The following PCDHGB2 variants were observed in gnomAD, a reference collection of about 807,000 sequenced individuals.
PCDHGB2 encodes protocadherin gamma subfamily B, 2.
A neutral mutation model predicts 59.3 loss-of-function variants in PCDHGB2; 55 were observed. That is an observed-to-expected ratio of 0.93 (90% CI 0.75 to 1.16). The LOEUF (loss-of-function observed/expected upper bound fraction) is 1.16, where lower values mean the gene tolerates loss of function less well. Among genes scored for constraint, PCDHGB2 ranks in the 50% most tolerant of loss-of-function variants. PCDHGB2 has a pLI of 0.00. For missense variants in PCDHGB2, 1,228 were observed against 1,198.5 expected (o/e 1.02, Z -0.36); for synonymous variants, 516 against 512.0 (o/e 1.01, Z -0.11).
chr5:141,488,633 A>G (rs2099677537), intron 1 of PCDHGB2, among the ~76,000 whole-genome samples: 1 of 152,174 alleles, frequency 6.6e-6, no homozygotes, highest in South Asian at 2.1e-4. Context: ...TCACCTTAGC[A>G]GCATTCAGCA....
chr5:141,389,590 G>T (rs1409328445), intron 1 of PCDHGB2: 1 of 1,613,014 alleles, frequency 6.2e-7, no homozygotes, highest in Non-Finnish European at 8.5e-7. Context: ...GGTCCCGACG[G>T]CTCTGCGCTC....
chr5:141,490,130 C>A lies in PCDHGB2; in HGVS notation c.2422-4677C>A, dbSNP rs535362535. On this transcript the variant is annotated intron_variant, in intron 1 of 3. Coordinates refer to ENST00000522605, the MANE Select transcript of PCDHGB2 (RefSeq NM_018923.3). The surrounding 1 kb of genome is among the most constrained non-coding windows in gnomAD (Gnocchi z 5.4). ...GTGCGGAACCTCTTTGGCCTAGACC[C>A]TAGCAGTGGGGCAATCCATGTGTTG... 11 of 1,614,242 alleles carry A rather than the reference C, an allele frequency of 6.8e-6. No individual in the cohort carries two copies. In the African/African-American group the frequency reaches 1.3e-4, roughly 20 times the overall value.
In PCDHGB2 at chr5:141,400,030, C is replaced by T. The variant is rs201599536; in HGVS notation, c.2421+37474C>T. 180 of 1,613,050 alleles carry T rather than the reference C, an allele frequency of 1.1e-4. No individual in the cohort carries two copies. Among genetic ancestry groups the T allele is most frequent in the East Asian group, 1.6e-4 (7 of 44,886 alleles). On this transcript the variant is annotated intron_variant, in intron 1 of 3. Coordinates refer to ENST00000522605, the MANE Select transcript of PCDHGB2 (RefSeq NM_018923.3). Reference sequence around the variant, plus strand: ...TGCCTTGGGCGACAGGGACGCGGCCCGCCAGCGCCTGCTGGTTGCTGTGCG... The same window carrying T: ...TGCCTTGGGCGACAGGGACGCGGCCTGCCAGCGCCTGCTGGTTGCTGTGCG...
At position 141,431,421 on chromosome 5, in the gene PCDHGB2, T is replaced by A. The variant is rs2097372202; in HGVS notation, c.2422-63386T>A. On this transcript the variant is annotated intron_variant, in intron 1 of 3. Transcript: ENST00000522605. The surrounding 1 kb of genome is among the most constrained non-coding windows in gnomAD (Gnocchi z 4.8). The stretch of plus-strand genomic sequence containing the variant: ...ACGGCCTCCGACGGGGGCGACCCGG[T>A]GCGCACAGGCACCGCGCGCATCCGC... 1 of 1,613,580 alleles carries A rather than the reference T, an allele frequency of 6.2e-7. No individual in the cohort carries two copies. The highest frequency in any genetic ancestry group is 1.1e-5 in the South Asian group (1 of 91,082).
intron 1 of PCDHGB2, chr5:141,408,475 CCGT>C: frequency 6.2e-7 from 1 of 1,614,032 alleles, no homozygotes; most frequent in Non-Finnish European, 8.5e-7. Context: ...ACCGAATAGA[CCGT>C]GAGCAAATAT....
intron 1 of PCDHGB2, chr5:141,385,514 G>T: frequency 7.3e-7 from 1 of 1,363,606 alleles, no homozygotes; most frequent in Non-Finnish European, 9.5e-7. Context: ...TTTAGTGAAA[G>T]CCTATGGACA....
chr5:141,509,663 G>A (rs933532930), intron 3 of PCDHGB2, among the ~76,000 whole-genome samples: 1 of 152,140 alleles, frequency 6.6e-6, no homozygotes, highest in Non-Finnish European at 1.5e-5. Context: ...ACTTCTCTGG[G>A]CCCCAGTTTC....
chr5:141,389,464 A>G (rs1277929756), intron 1 of PCDHGB2: 1 of 1,613,306 alleles, frequency 6.2e-7, no homozygotes, highest in Admixed American at 1.7e-5. Flanking sequence ...CGCGCCTTCG[A>G]ACTCACACTG....
chr5:141,458,496 A>T (rs905073741), intron 1 of PCDHGB2, among the ~76,000 whole-genome samples: 1 of 151,694 alleles, frequency 6.6e-6, no homozygotes, highest in Non-Finnish European at 1.5e-5. Flanking sequence ...CTGCCTGTAC[A>T]TACTGTTTGA....
chr5:141,403,986 C>A (rs367739607), intron 1 of PCDHGB2: 12 of 1,613,586 alleles, frequency 7.4e-6, no homozygotes, highest in Admixed American at 1.7e-5. Flanking sequence ...GACAATAGAC[C>A]TGAAGTGACC....
chr5:141,385,276 A>T (rs1315773619), intron 1 of PCDHGB2: 3 of 1,613,446 alleles, frequency 1.9e-6, no homozygotes, highest in Non-Finnish European at 2.5e-6. Context: ...TTCTTTGCTA[A>T]CATCCGTAGA....
Position 141,412,876 on chromosome 5 carries a change from A to G in PCDHGB2, c.2421+50320A>G, listed in dbSNP as rs1206092699. 12 of 281,096 alleles carry G rather than the reference A, an allele frequency of 4.3e-5. No homozygotes were observed. The East Asian group carries it at 7.9e-4, about 19-fold the overall frequency. The allele number at this position is 281,096 out of a possible 1,614,324, so 17.4% of individuals were successfully genotyped here. A position where few individuals can be genotyped will look rare whatever the true frequency, so the allele number is the denominator to read the frequency against. On this transcript the variant is annotated intron_variant, in intron 1 of 3. Coordinates refer to ENST00000522605, the MANE Select transcript of PCDHGB2 (RefSeq NM_018923.3). ...CAAAGAATCTATGTAAAATATAATAATCCAACAGAATAGTTTACTTTCCAT... is the reference window on the plus strand; with the variant it reads ...CAAAGAATCTATGTAAAATATAATAGTCCAACAGAATAGTTTACTTTCCAT...
intron 1 of PCDHGB2, chr5:141,427,798 T>C: frequency 6.6e-7 from 1 of 1,506,550 alleles, no homozygotes; most frequent in South Asian, 1.1e-5. Flanking sequence ...TACGTGTCCG[T>C]GAGCGCACAG....
chr5:141,403,033 G>T (rs764461706), intron 1 of PCDHGB2: 1 of 1,614,056 alleles, frequency 6.2e-7, no homozygotes, highest in Non-Finnish European at 8.5e-7. Flanking sequence ...GGGAGGCCAG[G>T]GCCAGTCAGA....
chr5:141,405,514 A>C, intron 1 of PCDHGB2: 1 of 704,834 alleles, frequency 1.4e-6, no homozygotes, highest in Non-Finnish European at 2.3e-6. Context: ...CCGCCTCCCA[A>C]ATTCAAGCGA....
intron 2 of PCDHGB2, among the ~76,000 whole-genome samples, chr5:141,504,968 C>A (rs1377016827): frequency 1.3e-5 from 2 of 152,206 alleles, no homozygotes; most frequent in East Asian, 3.9e-4. Context: ...ATTGGACCAG[C>A]CTGGCCAACA....
chr5:141,422,030 C>G, intron 1 of PCDHGB2: 1 of 1,609,592 alleles, frequency 6.2e-7, no homozygotes, highest in African/African-American at 1.3e-5. Flanking sequence ...GTTAATGCAA[C>G]GGATCCAGAC....
At chr5:141,391,561 G>A (rs2092390304) in intron 1 of PCDHGB2, 1 of 152,026 alleles carries the variant, frequency 6.6e-6, no homozygotes, top group Non-Finnish European at 1.5e-5. Context: ...TTTTCCATAT[G>A]CATAAGAAAA....
At chr5:141,370,362 C>T (rs1766839959) in intron 1 of PCDHGB2, 3 of 1,517,790 alleles carry the variant, frequency 2.0e-6, no homozygotes, top group Non-Finnish European at 2.6e-6. Context: ...CTCCTCTCCT[C>T]GGATTTAGAA....
Sources: allele counts gnomAD v4.1 joint callset (sites outside exome capture counted in the v4.1 genomes callset), GRCh38; gene constraint gnomAD v4.1.1; non-coding constraint Gnocchi (gnomAD v3.1); transcripts MANE v1.5; gene names NCBI Gene and HGNC (gene_info 2026-07-23, HGNC 2026-07-21).